Variants in WWOX observed in about 807,000 individuals in gnomAD.
WWOX encodes WW domain containing oxidoreductase.
A neutral mutation model predicts 46.2 loss-of-function variants in WWOX; 69 were observed. The ratio of observed to expected loss-of-function variants is 1.49; its 90% confidence interval spans 1.23 to 1.82. The LOEUF is 1.82. WWOX is among the 40% of genes most tolerant of loss of function. WWOX has a pLI of 0.00. For missense variants in WWOX, 919 were observed against 542.6 expected (o/e 1.69, Z -6.89); for synonymous variants, 359 against 202.6 (o/e 1.77, Z -6.56).
intron 5 of WWOX, among the ~76,000 whole-genome samples, chr16:78,325,550 A>C (rs990974868): frequency 6.6e-6 from 1 of 152,200 alleles, no homozygotes; most frequent in African/African-American, 2.4e-5. Context: ...TTCCCTCCAC[A>C]TAATCTTCAG....
In WWOX at chr16:78,115,098, A is replaced by G. The variant is rs752982374; in HGVS notation, c.353A>G (p.Gln118Arg). 6.2e-7 allele frequency: 1 copy of G among 1,614,194 alleles called. No individual in the cohort carries two copies. The highest frequency in any genetic ancestry group is 1.3e-5 in the African/African-American group (1 of 75,052). The change falls in exon 4 of 9, where the codon CAG becomes CGG. Residue 118 changes from glutamine to arginine, a missense_variant. Transcript: ENST00000566780. ...AGCACCACTGCCATGGAAATTCTCC[A>G]GGGCCGGGATTTCACTGGCAAAGTG... ...DGSTTAMEILQGRDFTGKVVV... is the reference protein window; with the variant it reads ...DGSTTAMEILRGRDFTGKVVV...
At chr16:78,315,653 A>G (rs4888778) in intron 5 of WWOX, among the ~76,000 whole-genome samples, 68,428 of 151,928 alleles carry the variant, frequency 0.45, 15,980 homozygotes, top group East Asian at 0.74. Context: ...GTCTCAAAAA[A>G]GAATAAAAAT....
chr16:78,544,316 T>A (rs56124910), intron 8 of WWOX, among the ~76,000 whole-genome samples: 4,304 of 152,326 alleles, frequency 0.028, 160 homozygotes, highest in African/African-American at 0.087. Context: ...TCCTTAATAA[T>A]ACAATCATAG....
intron 8 of WWOX, among the ~76,000 whole-genome samples, chr16:78,630,210 A>G (rs1014110810): frequency 6.6e-6 from 1 of 152,184 alleles, no homozygotes; most frequent in African/African-American, 2.4e-5. Context: ...TGTAAGTTTC[A>G]CAAGGCCAGG....
chr16:79,077,399 A>G (rs2048678206), intron 8 of WWOX: 1 of 152,202 alleles, frequency 6.6e-6, no homozygotes, highest in Non-Finnish European at 1.5e-5. Flanking sequence ...AAAAAACCAC[A>G]TGCATGCACA....
At chr16:78,245,245 A>G (rs74459634) in intron 5 of WWOX, among the ~76,000 whole-genome samples, 2,080 of 152,314 alleles carry the variant, frequency 0.014, 24 homozygotes, top group Middle Eastern at 0.034. Context: ...ATGTTAGTAA[A>G]CCAATGAGAG....
In WWOX at chr16:79,185,661, A is replaced by C. The variant is rs539275204; in HGVS notation, c.1057-25947A>C. 2.6e-5 allele frequency among the ~76,000 whole-genome samples: 4 copies of C among 152,142 alleles called. No individual in the cohort carries two copies. In the South Asian group the frequency reaches 8.3e-4, roughly 32 times the overall value. On this transcript the variant is annotated intron_variant, in intron 8 of 8. Coordinates refer to ENST00000566780, the MANE Select transcript of WWOX (RefSeq NM_016373.4). ...GCCTTTTGTCAAACACCTGCCGATG[A>C]GCGTTTGGCAGAGCCTGTGCTAAGA... is the stretch of plus-strand genomic sequence containing the variant.
chr16:78,953,465 C>T (rs962278928), intron 8 of WWOX, among the ~76,000 whole-genome samples: 1 of 143,258 alleles, frequency 7.0e-6, no homozygotes, highest in Non-Finnish European at 1.5e-5. Context: ...CTCTGCCCCA[C>T]TCTATGTATG....
chr16:79,075,515 T>C (rs1396372144), intron 8 of WWOX, among the ~76,000 whole-genome samples: 2 of 151,652 alleles, frequency 1.3e-5, no homozygotes, highest in Non-Finnish European at 2.9e-5. Context: ...CTCTGTATAA[T>C]AACAACCTCT....
At chr16:78,788,201 T>C (rs2050503009) in intron 8 of WWOX, among the ~76,000 whole-genome samples, 1 of 152,218 alleles carries the variant, frequency 6.6e-6, no homozygotes, top group African/African-American at 2.4e-5. Flanking sequence ...TTTGGTGTTG[T>C]ATCTAAGAAT....
At chr16:79,184,731 G>A (rs2050979758) in intron 8 of WWOX, among the ~76,000 whole-genome samples, 1 of 152,214 alleles carries the variant, frequency 6.6e-6, no homozygotes, top group Admixed American at 6.5e-5. Flanking sequence ...AGTCTAGGAA[G>A]ACAAATAGCC....
chr16:78,513,688 A>G (rs1192622375), intron 8 of WWOX, among the ~76,000 whole-genome samples: 2 of 152,210 alleles, frequency 1.3e-5, no homozygotes, highest in Non-Finnish European at 2.9e-5. Flanking sequence ...TGTCAAAACT[A>G]TTAATATTTG....
chr16:79,127,117 A>G (rs1190795708), intron 8 of WWOX, among the ~76,000 whole-genome samples: 1 of 152,128 alleles, frequency 6.6e-6, no homozygotes, highest in Non-Finnish European at 1.5e-5. Flanking sequence ...CAAAAATCAA[A>G]AGTAGAAGAT....
At chr16:78,619,214 T>G (rs2046108950) in intron 8 of WWOX, among the ~76,000 whole-genome samples, 1 of 77,194 alleles carries the variant, frequency 1.3e-5, no homozygotes, top group Non-Finnish European at 2.4e-5. Context: ...TATATATATA[T>G]GTAGCCATGC....
intron 8 of WWOX, among the ~76,000 whole-genome samples, chr16:78,786,672 C>G (rs987875000): frequency 6.6e-6 from 1 of 152,116 alleles, no homozygotes; most frequent in East Asian, 1.9e-4. Flanking sequence ...CTTTTTGTCC[C>G]CGTAAAAGTA....
In WWOX at chr16:78,374,644, G is replaced by A. The variant is rs1346732537; in HGVS notation, c.517-12216G>A. Among the ~76,000 whole-genome samples, 7 of 146,514 alleles carry A rather than the reference G, an allele frequency of 4.8e-5. 1 individual carries two copies. The Admixed American group carries it at 4.9e-4, about 10-fold the overall frequency. The stretch of plus-strand genomic sequence containing the variant: ...GCTCACTGCAAGCTCCGCCTCCTCG[G>A]TTCATGCCATTCTCCTGCCTCAGCC... On this transcript the variant is annotated intron_variant, in intron 5 of 8. Coordinates refer to ENST00000566780, the MANE Select transcript of WWOX (RefSeq NM_016373.4).
At chr16:78,327,784 A>C (rs79229045) in intron 5 of WWOX, among the ~76,000 whole-genome samples, 177 of 152,062 alleles carry the variant, frequency 1.2e-3, no homozygotes, top group African/African-American at 4.1e-3. Flanking sequence ...TCTTTGTACA[A>C]AGTGCTTCTG....
chr16:79,004,534 C>G (rs1400839266), intron 8 of WWOX: 1 of 152,308 alleles, frequency 6.6e-6, no homozygotes, highest in East Asian at 1.9e-4. Context: ...GCAAAGGACA[C>G]TGTGTGACTG....
chr16:79,046,589 T>G (rs2048069640), intron 8 of WWOX, among the ~76,000 whole-genome samples: 1 of 152,078 alleles, frequency 6.6e-6, no homozygotes, highest in African/African-American at 2.4e-5. Flanking sequence ...GGGGAGTGTT[T>G]CTCCCAGTTC....
Sources: gnomAD v4.1 joint callset for allele counts (sites outside exome capture counted in the v4.1 genomes callset) on GRCh38, gnomAD v4.1.1 for gene constraint, MANE v1.5 for transcripts, NCBI Gene and HGNC (gene_info 2026-07-23, HGNC 2026-07-21) for gene names.